The following LPA variants were observed in gnomAD, a reference collection of about 807,000 sequenced individuals.
LPA encodes lipoprotein(a).
In LPA, 199 loss-of-function variants were observed where a neutral mutation model predicts 197.9. That is an observed-to-expected ratio of 1.01 (90% confidence interval 0.90 to 1.13). The LOEUF is 1.13. Ranked by LOEUF, LPA falls within the 50% of genes most tolerant of loss-of-function variation. The probability of loss-of-function intolerance (pLI) is 0.00; values close to 1 mark genes in which losing one functional copy is unlikely to be tolerated. For missense variants in LPA, 1,853 were observed against 1,785.8 expected (o/e 1.04, Z -0.68); for synonymous variants, 715 against 639.5 (o/e 1.12, Z -1.78).
chr6:160,563,406 G>C (rs947566828), intron 28 of LPA, among the ~76,000 whole-genome samples: 5 of 152,170 alleles, frequency 3.3e-5, no homozygotes, highest in Non-Finnish European at 7.4e-5. Flanking sequence ...CTGAGTTCTA[G>C]TTTGATTGCA....
At chr6:160,635,906 G>A (rs1255277634) in intron 6 of LPA, among the ~76,000 whole-genome samples, 44 of 67,630 alleles carry the variant, frequency 6.5e-4, no homozygotes, top group African/African-American at 3.9e-3. Context: ...CTGTCTGTCA[G>A]GTTTAGTAGG....
intron 2 of LPA, among the ~76,000 whole-genome samples, chr6:160,647,936 G>T (rs1174209614): frequency 6.6e-6 from 1 of 152,182 alleles, no homozygotes; most frequent in African/African-American, 2.4e-5. Flanking sequence ...GCTGCAGAAA[G>T]TTCCCTTCTT....
intron 28 of LPA, among the ~76,000 whole-genome samples, chr6:160,574,252 CA>C (rs1229492841): frequency 1.3e-5 from 2 of 151,902 alleles, no homozygotes; most frequent in African/African-American, 4.8e-5. Context: ...ACCATGCCCC[CA>C]ACCCCGCAAC....
Position 160,595,412 on chromosome 6 carries a change from A to T in LPA, c.3411T>A (p.Ser1137Arg). 6.2e-7 allele frequency: 1 copy of T among 1,613,874 alleles called. No individual in the cohort carries two copies. The highest frequency in any genetic ancestry group is 1.1e-5 in the South Asian group (1 of 91,048). The change falls in exon 21 of 39, where the codon AGT becomes AGA. Residue 1137 changes from serine (S) to arginine (R), a missense_variant. This residue lies in a region of LPA where 1,737 missense variants were observed against 1,504.4 expected (regional missense o/e 1.15). Coordinates refer to ENST00000316300, the MANE Select transcript of LPA (RefSeq NM_005577.4). Reference protein sequence around the residue: ...NLTQCLVTESSVLATLTVVPD... With the variant: ...NLTQCLVTESRVLATLTVVPD... ...GGACCACCGTGAGAGTTGCAAGGAC[A>T]CTTGATTCTGTCACCAGGCATTGTG... is the stretch of plus-strand genomic sequence containing the variant.
chr6:160,611,501 C>T (rs569787069), intron 16 of LPA, 61 bp downstream of exon 16: 6 of 1,597,806 alleles, frequency 3.8e-6, no homozygotes, highest in Non-Finnish European at 5.1e-6. Flanking sequence ...TGAAGCATGT[C>T]TCTTGTCACA....
At chr6:160,607,837 T>C (rs1297977281) in intron 16 of LPA, among the ~76,000 whole-genome samples, 1 of 152,174 alleles carries the variant, frequency 6.6e-6, no homozygotes, top group Non-Finnish European at 1.5e-5. Context: ...CTCTTTTGAA[T>C]ACATGGAATA....
chr6:160,540,065 T>C lies in LPA; in HGVS notation c.5713A>G (p.Ile1905Val), dbSNP rs1398554945. ...TACCTGCTTAGCTTTAGCAAGGCAA[T>C]ATCTGCTTGTGTGGGCTCCAAGAAC... ...RLFLEPTQADIALLKLSRPAV... is the reference protein window; with the variant it reads ...RLFLEPTQADVALLKLSRPAV... The change falls in exon 36 of 39, where the codon ATT becomes GTT. Residue 1905 changes from isoleucine (I) to valine (V), a missense_variant. By Grantham distance (29) the Ile-to-Val change is conservative. Transcript: ENST00000316300. The C allele has an allele frequency of 6.2e-7, 1 of 1,614,106 alleles. No homozygotes were observed. Among genetic ancestry groups the C allele is most frequent in the South Asian group, 1.1e-5 (1 of 91,070 alleles).
chr6:160,654,455 A>C (rs1780097063), intron 1 of LPA, among the ~76,000 whole-genome samples: 1 of 151,992 alleles, frequency 6.6e-6, no homozygotes, highest in South Asian at 2.1e-4. Context: ...GACATAACCG[A>C]GATTAATACT....
At chr6:160,584,133 C>A (rs1298482394) in intron 26 of LPA, among the ~76,000 whole-genome samples, 2 of 151,948 alleles carry the variant, frequency 1.3e-5, no homozygotes, top group Admixed American at 1.3e-4. Context: ...TTCATACAGG[C>A]TAGTACTCAT....
chr6:160,535,008 T>C (rs112018299), intron 37 of LPA, among the ~76,000 whole-genome samples: 2,964 of 150,012 alleles, frequency 0.02, 72 homozygotes, highest in Middle Eastern at 0.063. Context: ...ATAATGGTGA[T>C]GGTAATGATA....
At chr6:160,598,145 G>T (rs945496613) in intron 20 of LPA, among the ~76,000 whole-genome samples, 1 of 152,194 alleles carries the variant, frequency 6.6e-6, no homozygotes, top group Admixed American at 6.5e-5. Context: ...AGAGCACTAT[G>T]TGAGCTCTGT....
At chr6:160,600,574 C>A (rs1378879296) in intron 19 of LPA, among the ~76,000 whole-genome samples, 2 of 152,118 alleles carry the variant, frequency 1.3e-5, no homozygotes, top group Non-Finnish European at 2.9e-5. Context: ...GAAGAAATCC[C>A]TGGAAAAGTT....
At chr6:160,610,391 A>T (rs1275067559) in intron 16 of LPA, among the ~76,000 whole-genome samples, 1 of 152,138 alleles carries the variant, frequency 6.6e-6, no homozygotes, top group African/African-American at 2.4e-5. Flanking sequence ...CTTTGAAATT[A>T]TGGCTGTTCT....
At chr6:160,555,388 G>C (rs1346096818) in intron 30 of LPA, among the ~76,000 whole-genome samples, 1 of 139,614 alleles carries the variant, frequency 7.2e-6, no homozygotes, top group African/African-American at 2.7e-5. Flanking sequence ...TAGGGTATTT[G>C]GTCATCAGTC....
chr6:160,574,554 C>T (rs1381291944), intron 28 of LPA, among the ~76,000 whole-genome samples: 2 of 152,244 alleles, frequency 1.3e-5, no homozygotes, highest in East Asian at 3.9e-4. Context: ...GCTTGGGGAT[C>T]CAGCAAGCTC....
chr6:160,605,322 T>C (rs1363702014), intron 17 of LPA, 117 bp from the exon 18 acceptor site: 3 of 1,208,470 alleles, frequency 2.5e-6, no homozygotes, highest in Non-Finnish European at 3.6e-6. Context: ...CAGGAGAATA[T>C]GACAAGTAAC....
chr6:160,599,869 A>C (rs1290223563), intron 19 of LPA, among the ~76,000 whole-genome samples: 1 of 152,222 alleles, frequency 6.6e-6, no homozygotes, highest in East Asian at 1.9e-4. Context: ...GTTCTTAGAA[A>C]TATTTCATGT....
chr6:160,554,209 A>G (rs1778218123), intron 30 of LPA, among the ~76,000 whole-genome samples: 1 of 152,008 alleles, frequency 6.6e-6, no homozygotes, highest in African/African-American at 2.4e-5. Flanking sequence ...CAATTATCAT[A>G]TATACAGTTT....
At chr6:160,561,365 T>C (rs1390940363) in intron 28 of LPA, among the ~76,000 whole-genome samples, 1 of 152,240 alleles carries the variant, frequency 6.6e-6, no homozygotes, top group African/African-American at 2.4e-5. Context: ...TTGTCAAAGA[T>C]CCAATAGTTG....
Sources: allele counts gnomAD v4.1 joint callset (sites outside exome capture counted in the v4.1 genomes callset), GRCh38; gene constraint gnomAD v4.1.1; regional missense constraint gnomAD v4.1.1; transcripts MANE v1.5; gene names NCBI Gene and HGNC (gene_info 2026-07-23, HGNC 2026-07-21).